Variants in DIP2C observed in about 807,000 individuals in gnomAD.
DIP2C encodes the protein disco-interacting protein 2 homolog C.
Under a neutral mutation model 192.4 loss-of-function variants are expected in DIP2C, and 33 were observed. The ratio of observed to expected loss-of-function variants is 0.17; its 90% CI spans 0.13 to 0.23. The LOEUF (loss-of-function observed/expected upper bound fraction) is 0.23. Ranked by LOEUF, DIP2C falls within the 10% of genes least tolerant of loss-of-function variation. DIP2C has a pLI of 1.00. For missense variants in DIP2C, 1,537 were observed against 2,110.1 expected, an observed-to-expected ratio of 0.73 and a Z score of 5.32; for synonymous variants, 979 against 864.1, an observed-to-expected ratio of 1.13 and a Z score of -2.33.
intron 4 of DIP2C, among the ~76,000 whole-genome samples, chr10:438,807 GTC>G (rs1180487826): frequency 3.9e-5 from 6 of 152,088 alleles, no homozygotes; most frequent in Non-Finnish European, 7.4e-5. Flanking sequence ...TTTTTAAAGA[GTC>G]TCTATTTATT....
chr10:659,474 T>C (rs1432519982), intron 1 of DIP2C, among the ~76,000 whole-genome samples: 1 of 152,234 alleles, frequency 6.6e-6, no homozygotes, highest in East Asian at 1.9e-4. Context: ...TTGTAATTAA[T>C]AAACTCTACT....
chr10:604,125 T>C (rs966527445), intron 1 of DIP2C, among the ~76,000 whole-genome samples: 3 of 151,598 alleles, frequency 2.0e-5, no homozygotes, highest in Admixed American at 1.3e-4. Flanking sequence ...GGCATGTGTG[T>C]GAGGACACTG....
chr10:370,718 C>T (rs539442464), intron 17 of DIP2C, among the ~76,000 whole-genome samples: 17 of 152,320 alleles, frequency 1.1e-4, no homozygotes, highest in Non-Finnish European at 1.5e-4. Context: ...AATTTAGGTA[C>T]ACATTGTTTC....
chr10:673,387 T>C (rs899187836), intron 1 of DIP2C, among the ~76,000 whole-genome samples: 1 of 152,220 alleles, frequency 6.6e-6, no homozygotes. Context: ...AGGATCCACA[T>C]GAGAGCGGCT....
chr10:399,994 A>G (rs953206625), intron 9 of DIP2C, among the ~76,000 whole-genome samples: 7 of 152,206 alleles, frequency 4.6e-5, no homozygotes, highest in Non-Finnish European at 8.8e-5. Flanking sequence ...CAGAGTTCTA[A>G]AAGTGTGGTT....
intron 32 of DIP2C, among the ~76,000 whole-genome samples, chr10:296,705 G>A (rs553800664): frequency 6.6e-6 from 1 of 152,144 alleles, no homozygotes; most frequent in East Asian, 1.9e-4. Flanking sequence ...ACACTATGCA[G>A]CCATAAAAAA....
intron 2 of DIP2C, among the ~76,000 whole-genome samples, chr10:483,162 C>T (rs923231121): frequency 6.6e-6 from 1 of 152,182 alleles, no homozygotes; most frequent in Non-Finnish European, 1.5e-5. Context: ...ATTCTGCATC[C>T]CAAACAACAT....
At chr10:550,096 G>C (rs369273748) in intron 1 of DIP2C, among the ~76,000 whole-genome samples, 6 of 148,232 alleles carry the variant, frequency 4.0e-5, no homozygotes, top group African/African-American at 1.5e-4. Flanking sequence ...TGCAATCTCT[G>C]CCTCTCGGGT....
At chr10:579,274 A>G (rs1416838350) in intron 1 of DIP2C, among the ~76,000 whole-genome samples, 1 of 151,974 alleles carries the variant, frequency 6.6e-6, no homozygotes, top group Non-Finnish European at 1.5e-5. Flanking sequence ...CATACAGCAT[A>G]CACACATCCA....
At chr10:447,210 C>A (rs993264672) in intron 3 of DIP2C, among the ~76,000 whole-genome samples, 1 of 149,082 alleles carries the variant, frequency 6.7e-6, no homozygotes, top group African/African-American at 2.5e-5. Flanking sequence ...AGCAGCAGGA[C>A]CCACTCATCC....
At chr10:534,703 T>A (rs1283807253) in intron 1 of DIP2C, among the ~76,000 whole-genome samples, 2 of 148,224 alleles carry the variant, frequency 1.3e-5, no homozygotes, top group Non-Finnish European at 3.0e-5. Context: ...GGAGTCTCGC[T>A]CTGTCGCCCA....
At chr10:398,606 T>C (rs1048456652) in intron 10 of DIP2C, among the ~76,000 whole-genome samples, 1 of 152,210 alleles carries the variant, frequency 6.6e-6, no homozygotes, top group South Asian at 2.1e-4. Context: ...AAATTCTAAA[T>C]TGAAACCTGT....
At chr10:683,413 G>A (rs1056996290) in intron 1 of DIP2C, among the ~76,000 whole-genome samples, 1 of 152,156 alleles carries the variant, frequency 6.6e-6, no homozygotes, top group Non-Finnish European at 1.5e-5. Flanking sequence ...GCAAGTTTTT[G>A]GCACAATAGT....
intron 1 of DIP2C, among the ~76,000 whole-genome samples, chr10:674,785 T>TAGAGAGAGAG (rs778232277): frequency 1.3e-4 from 12 of 91,980 alleles, no homozygotes; most frequent in African/African-American, 6.8e-4. Context: ...TATATATATA[T>TAGAGAGAGAG]ATATAGAGAG....
At chr10:599,031 G>A (rs1384444371) in intron 1 of DIP2C, among the ~76,000 whole-genome samples, 7 of 152,214 alleles carry the variant, frequency 4.6e-5, no homozygotes, top group Non-Finnish European at 1.0e-4. Context: ...ATAAAGCGGC[G>A]AAGACCGTGT....
rs193034391 is a variant in DIP2C, at chr10:404,303, G to A, written c.1149+4623C>T. ...GGCTCACTGCAACCTCTGCTTCCCC[G>A]GTTCAAGCGATTCTCTTGCCTCAGC... On this transcript the variant is annotated intron_variant, in intron 9 of 36. Coordinates refer to ENST00000280886, the MANE Select transcript of DIP2C (RefSeq NM_014974.3). Among the ~76,000 whole-genome samples the A allele has an allele frequency of 4.4e-4, 66 of 151,284 alleles. 1 individual carries two copies. Among genetic ancestry groups the A allele is most frequent in the Admixed American group, 2.0e-3 (30 of 15,160 alleles).
At chr10:349,509 C>CAGAG in intron 24 of DIP2C, 55 bp from the exon 25 acceptor site, 1 of 1,572,028 alleles carries the variant, frequency 6.4e-7, no homozygotes, top group Non-Finnish European at 8.6e-7. Context: ...GAGCAGCTTG[C>CAGAG]AGAGAGCGCG....
At chr10:392,722 G>A (rs1046100614) in intron 10 of DIP2C, among the ~76,000 whole-genome samples, 2 of 136,136 alleles carry the variant, frequency 1.5e-5, no homozygotes, top group South Asian at 2.5e-4. Context: ...GTACACACGC[G>A]CCCAGGTACA....
At chr10:560,358 A>G (rs1048093847) in intron 1 of DIP2C, among the ~76,000 whole-genome samples, 1 of 152,162 alleles carries the variant, frequency 6.6e-6, no homozygotes, top group Non-Finnish European at 1.5e-5. Flanking sequence ...GCACAACACA[A>G]GAGACAAGCT....
Sources: allele counts gnomAD v4.1 joint callset (sites outside exome capture counted in the v4.1 genomes callset), GRCh38; gene constraint gnomAD v4.1.1; transcripts MANE v1.5; gene names NCBI Gene and HGNC (gene_info 2026-07-23, HGNC 2026-07-21).